Variants in C13orf42 observed in about 807,000 individuals in gnomAD.
C13orf42 encodes the protein uncharacterized protein C13orf42.
At chr13:51,096,165 T>C (rs80009777) in intron 1 of C13orf42, among the ~76,000 whole-genome samples, 2,081 of 152,326 alleles carry the variant, frequency 0.014, 44 homozygotes, top group East Asian at 0.076. Context: ...TTGTCCTCAA[T>C]GTCTGCTGCA....
At chr13:51,155,546 G>A (rs1348924988) in intron 1 of C13orf42, among the ~76,000 whole-genome samples, 2 of 152,196 alleles carry the variant, frequency 1.3e-5, no homozygotes, top group African/African-American at 4.8e-5. Context: ...TGAGGATGCT[G>A]GGTGATCCCA....
At chr13:51,131,779 G>T (rs1953618850) in intron 1 of C13orf42, among the ~76,000 whole-genome samples, 2 of 152,208 alleles carry the variant, frequency 1.3e-5, no homozygotes, top group South Asian at 4.1e-4. Flanking sequence ...TTTGTCTTTA[G>T]TGAAAAATGG....
At chr13:51,136,017 C>T (rs1953655003) in intron 1 of C13orf42, among the ~76,000 whole-genome samples, 1 of 152,144 alleles carries the variant, frequency 6.6e-6, no homozygotes, top group Admixed American at 6.5e-5. Flanking sequence ...GGCGTGACCT[C>T]CACCCCTAGG....
At chr13:51,109,310 T>C (rs1216592585) in intron 1 of C13orf42, among the ~76,000 whole-genome samples, 1 of 152,156 alleles carries the variant, frequency 6.6e-6, no homozygotes, top group Non-Finnish European at 1.5e-5. Flanking sequence ...TCAACATTAA[T>C]GGAGTTTGCA....
intron 1 of C13orf42, among the ~76,000 whole-genome samples, chr13:51,106,013 C>T (rs1349304256): frequency 1.3e-5 from 2 of 152,158 alleles, no homozygotes; most frequent in Admixed American, 1.3e-4. Flanking sequence ...TCATGAAGTT[C>T]CGATTGTAGC....
chr13:51,141,210 CT>C (rs1262944362), intron 1 of C13orf42, among the ~76,000 whole-genome samples: 6 of 136,180 alleles, frequency 4.4e-5, no homozygotes, highest in East Asian at 2.1e-4. Flanking sequence ...AAGACCTTGT[CT>C]TTTTTTTTGA....
intron 1 of C13orf42, among the ~76,000 whole-genome samples, chr13:51,163,664 G>C (rs928453464): frequency 2.6e-5 from 4 of 152,154 alleles, no homozygotes; most frequent in African/African-American, 9.7e-5. Flanking sequence ...TGGGCCAGGG[G>C]TTCGGATGTC....
chr13:51,131,528 G>A (rs1953616601), intron 1 of C13orf42, among the ~76,000 whole-genome samples: 1 of 152,120 alleles, frequency 6.6e-6, no homozygotes, highest in Admixed American at 6.5e-5. Context: ...CTGGGAAAAG[G>A]CCTAAGAGCC....
chr13:51,111,908 C>G (rs915057754), upstream of C13orf42, among the ~76,000 whole-genome samples: 1 of 152,214 alleles, frequency 6.6e-6, no homozygotes, highest in African/African-American at 2.4e-5. Flanking sequence ...CAGCCGTTAC[C>G]GGATAGCAGC....
chr13:51,100,072 T>A (rs1310705071), intron 1 of C13orf42, among the ~76,000 whole-genome samples: 2 of 152,154 alleles, frequency 1.3e-5, no homozygotes, highest in Non-Finnish European at 2.9e-5. Flanking sequence ...CAATAAATAG[T>A]GTTGGAAAAC....
chr13:51,166,351 C>A (rs866664729), intron 1 of C13orf42, among the ~76,000 whole-genome samples: 32 of 148,794 alleles, frequency 2.2e-4, no homozygotes, highest in Admixed American at 8.2e-4. Flanking sequence ...AACAAAAAAA[C>A]CAAACACCGC....
chr13:51,110,002 T>C (rs745681426), intron 1 of C13orf42, among the ~76,000 whole-genome samples: 2 of 152,188 alleles, frequency 1.3e-5, no homozygotes, highest in Non-Finnish European at 2.9e-5. Context: ...CTTTCACTCA[T>C]TTCATGCTTG....
At chr13:51,115,729 CAAAT>C (rs1484544955), upstream of C13orf42, among the ~76,000 whole-genome samples, 2 of 152,138 alleles carry the variant, frequency 1.3e-5, no homozygotes, top group Non-Finnish European at 2.9e-5. Flanking sequence ...AGGAAGAGAT[CAAAT>C]AAATGTGTTG....
Position 51,085,475 on chromosome 13 carries a change from T to C in C13orf42, c.647A>G (p.His216Arg), listed in dbSNP as rs1483152270. 5.0e-6 allele frequency: 2 copies of C among 398,508 alleles called. No individual in the cohort carries two copies. Among genetic ancestry groups the C allele is most frequent in the Non-Finnish European group, 4.4e-6 (1 of 226,088 alleles). The allele number at this position is 398,508 out of a possible 1,614,324, so 24.7% of individuals were successfully genotyped here. The change falls in exon 3 of 4, where the codon CAC becomes CGC. Residue 216 changes from histidine to arginine, a missense_variant. Coordinates refer to ENST00000563710, the MANE Select transcript of C13orf42 (RefSeq NM_001351589.3). ...CTGGCCGTCTACAGTATGCACAGTG[T>C]GGGCAGCGATATCCTCGGAGTGTCT... ...PRRHSEDIAA[H>R]TVHTVDGQFR...
chr13:51,159,301 C>T (rs1197018441), intron 1 of C13orf42, among the ~76,000 whole-genome samples: 3 of 152,082 alleles, frequency 2.0e-5, no homozygotes, highest in Non-Finnish European at 1.5e-5. Context: ...TCAGACAGCA[C>T]CACACTTGTT....
intron 1 of C13orf42, among the ~76,000 whole-genome samples, chr13:51,110,273 T>C (rs1198148322): frequency 6.6e-6 from 1 of 152,214 alleles, no homozygotes; most frequent in African/African-American, 2.4e-5. Context: ...GAAAAATGAT[T>C]TGCTGTCATC....
upstream of C13orf42, among the ~76,000 whole-genome samples, chr13:51,112,295 G>C (rs1195744491): frequency 6.6e-6 from 1 of 152,182 alleles, no homozygotes; most frequent in African/African-American, 2.4e-5. Flanking sequence ...GAAATTGTAT[G>C]TAAAGCATTA....
At chr13:51,168,979 T>C (rs1593561139) in intron 1 of C13orf42, among the ~76,000 whole-genome samples, 1 of 152,300 alleles carries the variant, frequency 6.6e-6, no homozygotes, top group Non-Finnish European at 1.5e-5. Context: ...GTACAGCCTG[T>C]GGAACTGTGA....
chr13:51,091,220 T>C (rs1429224208), intron 1 of C13orf42, among the ~76,000 whole-genome samples: 1 of 152,168 alleles, frequency 6.6e-6, no homozygotes, highest in Non-Finnish European at 1.5e-5. Context: ...ATAAAACTCG[T>C]TATAAAAGAT....
Sources: allele counts gnomAD v4.1 joint callset (sites outside exome capture counted in the v4.1 genomes callset), GRCh38; gene constraint gnomAD v4.1.1; transcripts MANE v1.5; gene names NCBI Gene and HGNC (gene_info 2026-07-23, HGNC 2026-07-21).